Variants in BCAS3 observed in about 807,000 individuals in gnomAD.
The protein encoded by BCAS3 is BCAS3 microtubule associated cell migration factor.
In BCAS3, 53 loss-of-function variants were observed where a neutral mutation model predicts 116.1. The ratio of observed to expected loss-of-function variants is 0.46; its 90% CI spans 0.37 to 0.57. BCAS3 has a LOEUF of 0.57. Ranked by LOEUF, BCAS3 falls within the 20% of genes least tolerant of loss-of-function variation. BCAS3 has a pLI of 0.00. For missense variants in BCAS3, 917 were observed against 1,165.4 expected, an observed-to-expected ratio of 0.79 and a Z score of 3.10; for synonymous variants, 391 against 408.2, an observed-to-expected ratio of 0.96 and a Z score of 0.51.
intron 14 of BCAS3, among the ~76,000 whole-genome samples, chr17:60,955,493 T>G (rs2061082090): frequency 6.6e-6 from 1 of 151,378 alleles, no homozygotes; most frequent in South Asian, 2.1e-4. Context: ...GTTCAAGCGA[T>G]TCTCCTGCCT....
At chr17:60,893,072 C>T (rs2057284575) in intron 10 of BCAS3, among the ~76,000 whole-genome samples, 1 of 151,638 alleles carries the variant, frequency 6.6e-6, no homozygotes, top group Admixed American at 6.6e-5. Context: ...TGAGAAATGT[C>T]TGTTTATGTC....
Position 61,019,272 on chromosome 17 carries a change from T to C in BCAS3, c.1637+3371T>C, listed in dbSNP as rs1025680291. On this transcript the variant is annotated intron_variant, in intron 16 of 23. Transcript: ENST00000407086. This position sits in a 1 kb window ranked among gnomAD's most constrained non-coding sequence, Gnocchi z 5.6. ...AACTACACATGTGAGGGACCTAGGT[T>C]GCACACTCCTTATGAGAATCTAATG... Among the ~76,000 whole-genome samples, 6 of 152,184 alleles carry C rather than the reference T, an allele frequency of 3.9e-5. No homozygotes were observed. The highest frequency in any genetic ancestry group is 7.4e-5 in the Non-Finnish European group (5 of 68,018).
At chr17:61,153,071 C>A (rs1419042185) in intron 22 of BCAS3, among the ~76,000 whole-genome samples, 1 of 152,234 alleles carries the variant, frequency 6.6e-6, no homozygotes, top group Non-Finnish European at 1.5e-5. Context: ...TCAGTAGAAG[C>A]TGGAACTCCC....
At chr17:60,692,733 C>CAA (rs112569544) in intron 4 of BCAS3, among the ~76,000 whole-genome samples, 1 of 121,924 alleles carries the variant, frequency 8.2e-6, no homozygotes. Context: ...GACTCCATCT[C>CAA]AAAAAAAAAA....
chr17:61,170,044 G>A (rs766237921), intron 22 of BCAS3, among the ~76,000 whole-genome samples: 21 of 151,714 alleles, frequency 1.4e-4, no homozygotes, highest in Middle Eastern at 3.4e-3. Context: ...GAGTAGAGAC[G>A]GGGTTTCACC....
At position 61,126,591 on chromosome 17, in the gene BCAS3, T is replaced by G. The variant is rs188522579; in HGVS notation, c.2425+42027T>G. On this transcript the variant is annotated intron_variant, in intron 22 of 23. Coordinates refer to ENST00000407086, the MANE Select transcript of BCAS3 (RefSeq NM_017679.5). The surrounding 1 kb of genome is among the most constrained non-coding windows in gnomAD (Gnocchi z 4.6). ...TGAAAGATTGCAGAAGTTGAACCAC[T>G]AGTTTTGAAAGTTGAGCCAGACCAG... Among the ~76,000 whole-genome samples the G allele has an allele frequency of 6.6e-6, 1 of 152,204 alleles. No homozygotes were observed. Among genetic ancestry groups the G allele is most frequent in the East Asian group, 1.9e-4 (1 of 5,206 alleles).
At chr17:60,992,983 A>G (rs534074187) in intron 15 of BCAS3, among the ~76,000 whole-genome samples, 121 of 152,328 alleles carry the variant, frequency 7.9e-4, no homozygotes, top group African/African-American at 2.8e-3. Context: ...CCACAGATGT[A>G]TTAGTAAATT....
At chr17:60,727,597 G>T in intron 5 of BCAS3, 1 of 721,296 alleles carries the variant, frequency 1.4e-6, no homozygotes, top group Non-Finnish European at 2.2e-6. Flanking sequence ...TATTTTTAAG[G>T]GCAGTTTTAG....
rs970884646 is a variant in BCAS3 at position 61,241,055 on chromosome 17, C to G, written c.2426-127272C>G. Among the ~76,000 whole-genome samples the G allele has an allele frequency of 1.3e-5, 2 of 152,206 alleles. No homozygotes were observed. Among genetic ancestry groups the G allele is most frequent in the African/African-American group, 4.8e-5 (2 of 41,456 alleles). On this transcript the variant is annotated intron_variant, in intron 22 of 23. Coordinates refer to ENST00000407086, the MANE Select transcript of BCAS3 (RefSeq NM_017679.5). The surrounding 1 kb of genome is among the most constrained non-coding windows in gnomAD (Gnocchi z 4.6). ...TTCTAGAGCTTCCGCCCCCTCAGTT[C>G]TCACTCTCCATCACTTACCCTTCAA...
chr17:60,784,465 A>AT (rs532833306), intron 6 of BCAS3, among the ~76,000 whole-genome samples: 40,492 of 146,246 alleles, frequency 0.28, 10,909 homozygotes, highest in African/African-American at 0.71. Flanking sequence ...TGCCCGGATA[A>AT]TTTTTTTTTT....
At chr17:60,999,565 GAAAAAGAA>G (rs375432574) in intron 15 of BCAS3, among the ~76,000 whole-genome samples, 16 of 144,086 alleles carry the variant, frequency 1.1e-4, no homozygotes, top group African/African-American at 3.7e-4. Context: ...AAAAAAAAAA[GAAAAAGAA>G]AAAGAAATGT....
intron 16 of BCAS3, among the ~76,000 whole-genome samples, chr17:61,022,523 C>T (rs1008586092): frequency 6.6e-6 from 1 of 152,274 alleles, no homozygotes; most frequent in East Asian, 1.9e-4. Flanking sequence ...GAATTACAGG[C>T]GTGAGCCACC....
rs2083014815 is a variant in BCAS3 at position 61,235,850 on chromosome 17, AG to A, written c.2426-132475del. The stretch of plus-strand genomic sequence containing the variant: ...TAGGAAAATAATCCTCCTCTTGTCT[AG>A]GAGTTTCTGCTACTGGGAGCCACAG... On this transcript the variant is annotated intron_variant, in intron 22 of 23. Transcript: ENST00000407086. This position sits in a 1 kb window ranked among gnomAD's most constrained non-coding sequence, Gnocchi z 5.0. Among the ~76,000 whole-genome samples the A allele has an allele frequency of 6.6e-6, 1 of 152,172 alleles. No homozygotes were observed. Among genetic ancestry groups the A allele is most frequent in the Non-Finnish European group, 1.5e-5 (1 of 68,030 alleles).
intron 14 of BCAS3, among the ~76,000 whole-genome samples, chr17:60,948,083 ATTTAATT>A (rs909213151): frequency 6.6e-6 from 1 of 151,770 alleles, no homozygotes; most frequent in African/African-American, 2.4e-5. Context: ...TAATATTCTT[ATTTAATT>A]TTTAATTTTT....
Position 61,023,574 on chromosome 17 carries a change from T to G in BCAS3, c.1637+7673T>G, listed in dbSNP as rs1237093124. On this transcript the variant is annotated intron_variant, in intron 16 of 23. Coordinates refer to ENST00000407086, the MANE Select transcript of BCAS3 (RefSeq NM_017679.5). The surrounding 1 kb of genome is among the most constrained non-coding windows in gnomAD (Gnocchi z 4.8). ...TTGCTTTTTTCTCATATTAAAAAAA[T>G]TCTTCGTGTTTACCTTGTTTTCAGC... Among the ~76,000 whole-genome samples, 1 of 152,192 alleles carries G rather than the reference T, an allele frequency of 6.6e-6. No individual in the cohort carries two copies. The highest frequency in any genetic ancestry group is 1.5e-5 in the Non-Finnish European group (1 of 68,008).
intron 3 of BCAS3, among the ~76,000 whole-genome samples, chr17:60,684,917 A>C (rs2033797403): frequency 6.6e-6 from 1 of 152,170 alleles, no homozygotes. Context: ...CTGAGTGGGA[A>C]AAAAAGGAGA....
chr17:60,899,261 C>T (rs1257394620), intron 10 of BCAS3, among the ~76,000 whole-genome samples: 1 of 152,044 alleles, frequency 6.6e-6, no homozygotes, highest in Non-Finnish European at 1.5e-5. Flanking sequence ...GGGCTCACCC[C>T]CCAGTCCCGG....
In BCAS3 at chr17:61,108,795, G is replaced by A. The variant is rs147342052; in HGVS notation, c.2425+24231G>A. On this transcript the variant is annotated intron_variant, in intron 22 of 23. Transcript: ENST00000407086. ...TTCCCCTGAGTCCTGATAGTCAAAT[G>A]TATCATTCTTATGCCTTGGCGTCCT... 2.6e-3 allele frequency among the ~76,000 whole-genome samples: 396 copies of A among 152,132 alleles called. 3 individuals carry two copies. The highest frequency in any genetic ancestry group is 9.2e-3 in the African/African-American group (382 of 41,506).
chr17:60,934,061 G>A (rs1354407181), intron 13 of BCAS3, among the ~76,000 whole-genome samples: 4 of 151,974 alleles, frequency 2.6e-5, no homozygotes, highest in Non-Finnish European at 5.9e-5. Context: ...AGTGTCTAGG[G>A]ACCACAATAC....
Sources: gnomAD v4.1 joint callset for allele counts (sites outside exome capture counted in the v4.1 genomes callset) on GRCh38, gnomAD v4.1.1 for gene constraint, Gnocchi (gnomAD v3.1) non-coding constraint, MANE v1.5 for transcripts, NCBI Gene and HGNC (gene_info 2026-07-23, HGNC 2026-07-21) for gene names.